Variants in HNRNPLL observed in about 807,000 individuals in gnomAD.
HNRNPLL encodes the protein heterogeneous nuclear ribonucleoprotein L like, also known as heterogeneous nuclear ribonucleoprotein L-like.
HNRNPLL carries 25 observed loss-of-function variants against 67.1 expected under a neutral mutation model. The observed-to-expected ratio is 0.37, with a 90% CI of 0.27 to 0.52. The LOEUF is 0.52. Ranked by LOEUF, HNRNPLL falls within the 20% of genes least tolerant of loss-of-function variation. The pLI is 0.90. For missense variants in HNRNPLL, 542 were observed against 673.9 expected, an observed-to-expected ratio of 0.80 and a Z score of 2.17; for synonymous variants, 267 against 241.7, an observed-to-expected ratio of 1.10 and a Z score of -0.97.
At position 38,563,727 on chromosome 2, in the gene HNRNPLL, AAAT is replaced by A. The variant is rs535092025; in HGVS notation, c.*452_*454del. ...GTAACGTTATTCTCAAACTTCATTA[AAAT>A]AATAAATATACAAGTTATGTTTAAT... On this transcript the variant is annotated 3_prime_UTR_variant, in exon 13 of 13. Transcript: ENST00000449105. 228 of 153,624 alleles carry A rather than the reference AAAT, an allele frequency of 1.5e-3. 1 individual carries two copies. Among genetic ancestry groups the A allele is most frequent in the Non-Finnish European group, 2.6e-3 (177 of 68,960 alleles). 9.5% of individuals were successfully genotyped at this position (153,624 alleles called of 1,614,324 possible). A position where few individuals can be genotyped will look rare whatever the true frequency, so the allele number is the denominator to read the frequency against.
Position 38,602,838 on chromosome 2 carries a change from G to A in HNRNPLL, c.-212C>T, listed in dbSNP as rs760483876. On this transcript the variant is annotated 5_prime_UTR_variant, in exon 1 of 13. Coordinates refer to ENST00000449105, the MANE Select transcript of HNRNPLL (RefSeq NM_138394.4). ...GCGCCCCGGGAGGAAGCTCTGGAGC[G>A]GCCGCTCCTCTCAATTACCGAGCCA... 6.5e-7 allele frequency: 1 copy of A among 1,548,754 alleles called. No individual in the cohort carries two copies. Among genetic ancestry groups the A allele is most frequent in the Non-Finnish European group, 8.7e-7 (1 of 1,146,182 alleles).
Position 38,565,682 on chromosome 2 carries a change from T to C in HNRNPLL, c.1574-1445A>G, listed in dbSNP as rs554984232. Among the ~76,000 whole-genome samples the C allele has an allele frequency of 4.9e-4, 70 of 144,132 alleles. 1 individual carries two copies. In the South Asian group the frequency reaches 0.013, roughly 28 times the overall value. The allele number at this position is 144,132 out of a possible 152,430, so 94.6% of individuals were successfully genotyped here. On this transcript the variant is annotated intron_variant, in intron 12 of 12. Coordinates refer to ENST00000449105, the MANE Select transcript of HNRNPLL (RefSeq NM_138394.4). ...AAGTCGAGGCTGCAGTGGGCTGTGA[T>C]TGCACCACTGCATTCCAGGCTAGGA...
At chr2:38,570,807 C>T (rs1446393478) in intron 8 of HNRNPLL, among the ~76,000 whole-genome samples, 1 of 151,608 alleles carries the variant, frequency 6.6e-6, no homozygotes, top group Non-Finnish European at 1.5e-5. Flanking sequence ...TTTGAGAGGC[C>T]AAGGTGGGAT....
chr2:38,571,598 G>A (rs946078297), intron 8 of HNRNPLL, among the ~76,000 whole-genome samples: 2 of 152,072 alleles, frequency 1.3e-5, no homozygotes, highest in African/African-American at 2.4e-5. Flanking sequence ...GAAATCTCTT[G>A]TCTTCTCATG....
At chr2:38,595,272 T>TAAAAAAAAA (rs70954734) in intron 1 of HNRNPLL, among the ~76,000 whole-genome samples, 1 of 68,772 alleles carries the variant, frequency 1.5e-5, no homozygotes, top group African/African-American at 4.9e-5. Context: ...AGACCTTGTC[T>TAAAAAAAAA]AAAAAAAAAA....
At position 38,569,862 on chromosome 2, in the gene HNRNPLL, C is replaced by T; in HGVS notation, c.1156G>A (p.Glu386Lys). 1 of 1,557,172 alleles carries T rather than the reference C, an allele frequency of 6.4e-7. No individual in the cohort carries two copies. The highest frequency in any genetic ancestry group is 8.9e-7 in the Non-Finnish European group (1 of 1,129,868). Reference protein sequence around the residue: ...LVEMGDEYAVERAVTHLNNVK... With the variant: ...LVEMGDEYAVKRAVTHLNNVK... ...TTATTAAGGTGTGTGACAGCTCTTT[C>T]TACAGCATACTCATCACCCATTTCT... is the stretch of plus-strand genomic sequence containing the variant. The change falls in exon 9 of 13, where the codon GAA becomes AAA. Residue 386 changes from glutamate to lysine, a missense_variant. Physicochemically the swap from Glu to Lys is moderately conservative, Grantham distance 56. Around this residue, in one of 2 missense-constraint regions of HNRNPLL, gnomAD observed 415 missense variants for 575.2 expected, o/e 0.72. Transcript: ENST00000449105.
At chr2:38,579,671 T>C (rs1051074834) in intron 6 of HNRNPLL, among the ~76,000 whole-genome samples, 1 of 151,986 alleles carries the variant, frequency 6.6e-6, no homozygotes, top group African/African-American at 2.4e-5. Flanking sequence ...AGGGATTCTT[T>C]ACACTAAAAT....
At chr2:38,592,509 T>C (rs1667003352) in intron 1 of HNRNPLL, among the ~76,000 whole-genome samples, 1 of 152,256 alleles carries the variant, frequency 6.6e-6, no homozygotes, top group Non-Finnish European at 1.5e-5. Flanking sequence ...AAGGGTACCA[T>C]CTTTGCAAGG....
intron 1 of HNRNPLL, 63 bp from the exon 2 acceptor site, chr2:38,591,711 C>G (rs1297009397): frequency 4.8e-6 from 5 of 1,032,986 alleles, no homozygotes; most frequent in Non-Finnish European, 7.5e-6. Flanking sequence ...CGCGGTGGCT[C>G]ACGCCTGTAA....
chr2:38,564,613 CAAAAAAAA>C (rs70954732), intron 12 of HNRNPLL, among the ~76,000 whole-genome samples: 1 of 36,974 alleles, frequency 2.7e-5, no homozygotes, highest in South Asian at 9.4e-4. Flanking sequence ...GACTCCGTCT[CAAAAAAAA>C]AAAAAAAAAA....
At position 38,577,355 on chromosome 2, in the gene HNRNPLL, G is replaced by A. The variant is rs1047776862; in HGVS notation, c.874+106C>T. 22 of 748,682 alleles carry A rather than the reference G, an allele frequency of 2.9e-5. No homozygotes were observed. The South Asian group carries it at 3.4e-4, about 12-fold the overall frequency. The allele number at this position is 748,682 out of a possible 1,614,324, so 46.4% of individuals were successfully genotyped here. A position where few individuals can be genotyped will look rare whatever the true frequency, so the allele number is the denominator to read the frequency against. ...AAGGGACTGATCCCATATAAACCGAGGCAGATACGCAGGAAAAATAGACAA... is the reference window on the plus strand; with the variant it reads ...AAGGGACTGATCCCATATAAACCGAAGCAGATACGCAGGAAAAATAGACAA... On this transcript the variant is annotated intron_variant, in intron 7 of 12. Coordinates refer to ENST00000449105, the MANE Select transcript of HNRNPLL (RefSeq NM_138394.4).
At chr2:38,593,338 G>C (rs1419207549) in intron 1 of HNRNPLL, among the ~76,000 whole-genome samples, 4 of 152,170 alleles carry the variant, frequency 2.6e-5, no homozygotes, top group Non-Finnish European at 5.9e-5. Flanking sequence ...AATGAATAAA[G>C]CAGGAAGAGC....
At chr2:38,587,970 CCT>C (rs1330652486) in intron 2 of HNRNPLL, among the ~76,000 whole-genome samples, 4 of 151,978 alleles carry the variant, frequency 2.6e-5, no homozygotes, top group Admixed American at 1.3e-4. Flanking sequence ...CGCTCTCTCT[CCT>C]CTCTTTTTTT....
chr2:38,579,078 G>A (rs1257351684), intron 6 of HNRNPLL, among the ~76,000 whole-genome samples: 4 of 151,998 alleles, frequency 2.6e-5, no homozygotes, highest in Admixed American at 6.6e-5. Flanking sequence ...TCTGACCTAG[G>A]AATCTTAAAA....
intron 10 of HNRNPLL, 125 bp downstream of exon 10, chr2:38,569,008 A>C: frequency 1.4e-6 from 1 of 707,312 alleles, no homozygotes; most frequent in Non-Finnish European, 2.5e-6. Flanking sequence ...TCCAGTACCA[A>C]GTAAATAAAA....
chr2:38,586,674 A>C (rs1298064248), intron 2 of HNRNPLL, among the ~76,000 whole-genome samples: 1 of 152,218 alleles, frequency 6.6e-6, no homozygotes, highest in Admixed American at 6.5e-5. Context: ...CAACAGACTG[A>C]CCAAAGTTCC....
Position 38,585,769 on chromosome 2 carries a change from G to C in HNRNPLL, c.421C>G (p.Gln141Glu). Residue 141 changes from glutamine to glutamate, a missense_variant, in exon 3 of 13, where the codon CAA becomes GAA. Gln to Glu is a conservative substitution (Grantham distance 29). Around this residue, in one of 2 missense-constraint regions of HNRNPLL, gnomAD observed 415 missense variants for 575.2 expected, o/e 0.72. Transcript: ENST00000449105. ...AADEPVYIAG[Q>E]QAFFNYSTSK... ...GTAGAATAGTTGAAAAAAGCCTGTT[G>C]ACCAGCAATGTACACGGGTTCATCT... 6.2e-7 allele frequency: 1 copy of C among 1,613,398 alleles called. No homozygotes were observed. Among genetic ancestry groups the C allele is most frequent in the Non-Finnish European group, 8.5e-7 (1 of 1,179,410 alleles).
chr2:38,566,849 A>G (rs1665882650), intron 12 of HNRNPLL, among the ~76,000 whole-genome samples: 1 of 151,508 alleles, frequency 6.6e-6, no homozygotes, highest in Non-Finnish European at 1.5e-5. Context: ...AAAATAAAAA[A>G]AAATTTAAAA....
chr2:38,583,076 G>A (rs1305195259), intron 4 of HNRNPLL, among the ~76,000 whole-genome samples: 1 of 151,984 alleles, frequency 6.6e-6, no homozygotes, highest in Non-Finnish European at 1.5e-5. Context: ...ATTACAAAGA[G>A]CCAAAGTAAT....
Sources: allele counts gnomAD v4.1 joint callset (sites outside exome capture counted in the v4.1 genomes callset), GRCh38; gene constraint gnomAD v4.1.1; regional missense constraint gnomAD v4.1.1; transcripts MANE v1.5; gene names NCBI Gene and HGNC (gene_info 2026-07-23, HGNC 2026-07-21).